The following LRMDA variants were observed in gnomAD, a reference collection of about 807,000 sequenced individuals.
LRMDA encodes the protein leucine-rich melanocyte differentiation-associated protein.
LRMDA carries 18 observed loss-of-function variants against 29.8 expected under a neutral mutation model. That is an observed-to-expected ratio of 0.60 (90% confidence interval 0.42 to 0.90). The LOEUF is 0.90. Ranked by LOEUF, LRMDA falls within the 40% of genes least tolerant of loss-of-function variation. LRMDA has a pLI of 0.00. For synonymous variants in LRMDA, 125 were observed against 109.4 expected, an observed-to-expected ratio of 1.14 and a Z score of -0.89; for missense variants, 273 against 273.9, an observed-to-expected ratio of 1.00 and a Z score of 0.02.
intron 5 of LRMDA, chr10:76,270,702 C>T (rs577621361): frequency 6.6e-6 from 1 of 152,226 alleles, no homozygotes; most frequent in South Asian, 2.1e-4. Context: ...TTGCTGGGCA[C>T]CTTGCTTTAT....
intron 2 of LRMDA, among the ~76,000 whole-genome samples, chr10:75,499,900 T>C (rs1845092810): frequency 6.6e-6 from 1 of 152,186 alleles, no homozygotes; most frequent in African/African-American, 2.4e-5. Context: ...CTTCCCCTTC[T>C]GAGCTCCGGC....
intron 6 of LRMDA, among the ~76,000 whole-genome samples, chr10:76,543,543 T>A (rs1167629900): frequency 6.6e-6 from 1 of 152,106 alleles, no homozygotes; most frequent in Admixed American, 6.6e-5. Context: ...GGTTTACTGA[T>A]TGATTAATAG....
intron 6 of LRMDA, among the ~76,000 whole-genome samples, chr10:76,485,308 A>AT (rs1364286986): frequency 6.6e-6 from 1 of 151,826 alleles, no homozygotes; most frequent in East Asian, 1.9e-4. Context: ...TTCTTTAAAA[A>AT]TTTTTGTAGT....
At position 75,863,721 on chromosome 10, in the gene LRMDA, G is replaced by C. The variant is rs1844972396; in HGVS notation, c.132-172287G>C. Among the ~76,000 whole-genome samples, 3 of 152,184 alleles carry C rather than the reference G, an allele frequency of 2.0e-5. No homozygotes were observed. The South Asian group carries it at 6.2e-4, about 31-fold the overall frequency. ...ATGCTAGTTATTACAACTCCAATGA[G>C]TAGGTGGCGAGCTAGGTAGAGAGGG... On this transcript the variant is annotated intron_variant, in intron 2 of 6. Coordinates refer to ENST00000611255, the MANE Select transcript of LRMDA (RefSeq NM_001305581.2).
At chr10:76,010,610 G>A (rs1380088169) in intron 2 of LRMDA, among the ~76,000 whole-genome samples, 1 of 152,078 alleles carries the variant, frequency 6.6e-6, no homozygotes, top group Non-Finnish European at 1.5e-5. Context: ...CTGTGCCCAG[G>A]CTATATCCAT....
At chr10:76,354,345 T>C (rs998570149) in intron 6 of LRMDA, among the ~76,000 whole-genome samples, 2 of 152,126 alleles carry the variant, frequency 1.3e-5, no homozygotes, top group Non-Finnish European at 2.9e-5. Flanking sequence ...TCTGAGTTGA[T>C]ATGGGGCAAC....
intron 6 of LRMDA, among the ~76,000 whole-genome samples, chr10:76,445,963 C>T (rs7916103): frequency 0.78 from 118,256 of 152,082 alleles, 46,632 homozygotes; most frequent in Non-Finnish European, 0.85. Flanking sequence ...TTAGAAATAA[C>T]TGAAGTCCCT....
chr10:75,900,964 A>G (rs1845660319), intron 2 of LRMDA, among the ~76,000 whole-genome samples: 1 of 152,198 alleles, frequency 6.6e-6, no homozygotes, highest in South Asian at 2.1e-4. Flanking sequence ...CATTCAAGCC[A>G]AAAAGGTAGT....
intron 6 of LRMDA, among the ~76,000 whole-genome samples, chr10:76,551,276 A>G (rs1843491439): frequency 6.6e-6 from 1 of 151,114 alleles, no homozygotes; most frequent in South Asian, 2.1e-4. Context: ...TTGTTGTTCA[A>G]TGGGGCAAAT....
intron 2 of LRMDA, among the ~76,000 whole-genome samples, chr10:75,705,254 A>G (rs1162736947): frequency 2.0e-5 from 3 of 152,182 alleles, no homozygotes; most frequent in African/African-American, 7.2e-5. Context: ...GATGTTTATG[A>G]AGAAAGTTGA....
chr10:75,649,995 T>C (rs542721948), intron 2 of LRMDA, among the ~76,000 whole-genome samples: 1 of 136,120 alleles, frequency 7.3e-6, no homozygotes, highest in Admixed American at 6.6e-5. Flanking sequence ...TTGTTGAGCA[T>C]TAGGACTTCT....
chr10:76,108,298 AG>A (rs1358586829), intron 5 of LRMDA, among the ~76,000 whole-genome samples: 1 of 152,150 alleles, frequency 6.6e-6, no homozygotes, highest in African/African-American at 2.4e-5. Context: ...ACTCTGCTGT[AG>A]GTGCCTCCAT....
intron 5 of LRMDA, among the ~76,000 whole-genome samples, chr10:76,201,437 T>G (rs952220849): frequency 1.3e-5 from 2 of 152,158 alleles, no homozygotes; most frequent in Non-Finnish European, 2.9e-5. Flanking sequence ...GCTGAAATGA[T>G]TTGTCGAATG....
At chr10:76,554,878 TGTGTGTGTGTGTGTGTGTG>T (rs1168985174) in intron 6 of LRMDA, among the ~76,000 whole-genome samples, 1 of 53,836 alleles carries the variant, frequency 1.9e-5, no homozygotes, top group Non-Finnish European at 5.5e-5. Context: ...GTGGTGTGTG[TGTGTGTGTGTGTGTGTGTG>T]GTGTGTGTGT....
At chr10:75,555,977 G>A (rs550504985) in intron 2 of LRMDA, among the ~76,000 whole-genome samples, 118 of 152,278 alleles carry the variant, frequency 7.7e-4, no homozygotes, top group African/African-American at 2.6e-3. Flanking sequence ...GCAAGAGTCA[G>A]ATTAATGAAA....
chr10:75,493,348 GGTGTGTGTGTGTGTGTGTGT>G (rs3220724), intron 2 of LRMDA, among the ~76,000 whole-genome samples: 25 of 133,266 alleles, frequency 1.9e-4, no homozygotes, highest in African/African-American at 5.5e-4. Flanking sequence ...GTTGAGATTG[GGTGTGTGTGTGTGTGTGTGT>G]GTGTGTGTGT....
rs935029911 is a variant in LRMDA, at chr10:76,048,073, G to C, written c.398+770G>C. 3.9e-5 allele frequency among the ~76,000 whole-genome samples: 6 copies of C among 152,192 alleles called. No homozygotes were observed. The South Asian group carries it at 1.0e-3, about 26-fold the overall frequency. Reference sequence around the variant, plus strand: ...TGTTCTCATTGTTGATTGTTGTTTTGTAAATGCTTTAATGACCTTTTCATG... The same window carrying C: ...TGTTCTCATTGTTGATTGTTGTTTTCTAAATGCTTTAATGACCTTTTCATG... On this transcript the variant is annotated intron_variant, in intron 4 of 6. Transcript: ENST00000611255.
chr10:75,658,001 C>A (rs149818972), intron 2 of LRMDA, among the ~76,000 whole-genome samples: 5 of 152,042 alleles, frequency 3.3e-5, no homozygotes, highest in African/African-American at 1.2e-4. Context: ...CTGCTGGATG[C>A]GGGCATTTCC....
At chr10:76,522,096 G>A (rs1843127384) in intron 6 of LRMDA, among the ~76,000 whole-genome samples, 1 of 152,146 alleles carries the variant, frequency 6.6e-6, no homozygotes, top group Non-Finnish European at 1.5e-5. Flanking sequence ...ACTTGTAGGG[G>A]TTAAACTTAT....
Sources: allele counts gnomAD v4.1 joint callset (sites outside exome capture counted in the v4.1 genomes callset), GRCh38; gene constraint gnomAD v4.1.1; transcripts MANE v1.5; gene names NCBI Gene and HGNC (gene_info 2026-07-23, HGNC 2026-07-21).